Variants in PARVG observed in about 807,000 individuals in gnomAD.
PARVG encodes the protein parvin gamma.
A neutral mutation model predicts 44.4 loss-of-function variants in PARVG; 36 were observed. That is an observed-to-expected ratio of 0.81 (90% CI 0.62 to 1.07). PARVG has a LOEUF of 1.07. Among genes scored for constraint, PARVG ranks in the 50% least tolerant of loss-of-function variants. The pLI is 0.00. For synonymous variants in PARVG, 170 were observed against 174.1 expected, an observed-to-expected ratio of 0.98 and a Z score of 0.19; for missense variants, 407 against 407.4, an observed-to-expected ratio of 1.00 and a Z score of 0.01.
chr22:44,202,470 C>T (rs957635399), intron 12 of PARVG, among the ~76,000 whole-genome samples: 3 of 152,238 alleles, frequency 2.0e-5, no homozygotes, highest in Admixed American at 1.3e-4. Context: ...AGTTACAAGA[C>T]GGGAACAAAC....
upstream of PARVG, among the ~76,000 whole-genome samples, chr22:44,176,330 T>G (rs139112): frequency 0.35 from 53,746 of 152,166 alleles, 9,789 homozygotes; most frequent in Admixed American, 0.41. Context: ...AAATGCTATG[T>G]AAATAGTTGT....
Position 44,206,535 on chromosome 22 carries a change from C to CT in PARVG, c.*111dup. ...CTGTTTCCTGTGCATTCGTGACCCG[C>CT]TTCCCTCCCACCCTGTCTCCTGTCT... On this transcript the variant is annotated 3_prime_UTR_variant, in exon 14 of 14. Transcript: ENST00000444313. 4 of 917,564 alleles carry CT rather than the reference C, an allele frequency of 4.4e-6. No homozygotes were observed. The highest frequency in any genetic ancestry group is 7.0e-6 in the Non-Finnish European group (4 of 569,532). The allele number at this position is 917,564 out of a possible 1,614,324, so 56.8% of individuals were successfully genotyped here.
intron 5 of PARVG, 100 bp downstream of exon 5, chr22:44,187,978 T>A: frequency 8.3e-7 from 1 of 1,211,348 alleles, no homozygotes; most frequent in Admixed American, 1.9e-5. Context: ...GTCCCCACAA[T>A]GGTCCCGGGT....
intron 12 of PARVG, among the ~76,000 whole-genome samples, chr22:44,203,456 T>C (rs1569188995): frequency 6.6e-6 from 1 of 152,080 alleles, no homozygotes; most frequent in Non-Finnish European, 1.5e-5. Flanking sequence ...TCCAACAATT[T>C]CTAAAAACGT....
intron 12 of PARVG, among the ~76,000 whole-genome samples, chr22:44,204,707 G>A (rs1040429425): frequency 1.3e-5 from 2 of 152,246 alleles, no homozygotes; most frequent in African/African-American, 4.8e-5. Context: ...AGATAGGGAG[G>A]GAACGGGACC....
chr22:44,200,829 C>G (rs1206719432), intron 12 of PARVG, among the ~76,000 whole-genome samples: 1 of 152,086 alleles, frequency 6.6e-6, no homozygotes, highest in Non-Finnish European at 1.5e-5. Flanking sequence ...TGAGGTCCCC[C>G]CTGGACCCCT....
chr22:44,178,044 T>G (rs2054335566), upstream of PARVG, among the ~76,000 whole-genome samples: 1 of 152,138 alleles, frequency 6.6e-6, no homozygotes. Flanking sequence ...CTTCAGACAT[T>G]GGACATGCCT....
chr22:44,173,502 C>A (rs539314484), intron 1 of PARVG, among the ~76,000 whole-genome samples: 1 of 151,988 alleles, frequency 6.6e-6, no homozygotes, highest in East Asian at 1.9e-4. Context: ...GTGACTAGTC[C>A]AGGATGGGTA....
chr22:44,188,096 G>C (rs1489763557), intron 5 of PARVG: 1 of 592,770 alleles, frequency 1.7e-6, no homozygotes. Flanking sequence ...GTGGGGCTCT[G>C]ACGCCAGGGT....
Position 44,189,259 on chromosome 22 carries a change from G to A in PARVG, c.388+5G>A, listed in dbSNP as rs577839634. On this transcript the variant is annotated splice_donor_5th_base_variant and intron_variant, in intron 6 of 13. Coordinates refer to ENST00000444313, the MANE Select transcript of PARVG (RefSeq NM_022141.7). ...AGGCCAAGTGGAGCGTGGAGAGTAC[G>A]TGGGCCACAACCTGGCTACCCCTGG... 1.7e-5 allele frequency: 27 copies of A among 1,613,774 alleles called. No homozygotes were observed. The highest frequency in any genetic ancestry group is 1.6e-4 in the East Asian group (7 of 44,874).
chr22:44,187,776 G>C lies in PARVG; in HGVS notation c.145G>C (p.Val49Leu). The change falls in exon 5 of 14, where the codon GTG becomes CTG. Residue 49 changes from valine (V) to leucine (L), a missense_variant and splice_region_variant. By Grantham distance (32) the Val-to-Leu change is conservative. Transcript: ENST00000444313. Reference protein sequence around the residue: ...KDPKFEELQKVLMEWINATLL... With the variant: ...KDPKFEELQKLLMEWINATLL... ...AAAGTTGTCCCCTTGGAGCCTGCAG[G>C]TGTTGATGGAGTGGATCAATGCCAC... 1 of 1,614,236 alleles carries C rather than the reference G, an allele frequency of 6.2e-7. No homozygotes were observed. Among genetic ancestry groups the C allele is most frequent in the Non-Finnish European group, 8.5e-7 (1 of 1,180,038 alleles).
chr22:44,184,016 A>G (rs1394891571), intron 3 of PARVG: 1 of 165,484 alleles, frequency 6.0e-6, no homozygotes, highest in Non-Finnish European at 1.3e-5. Flanking sequence ...CTTTCAGTAA[A>G]GCTCTGTGTC....
At position 44,198,887 on chromosome 22, in the gene PARVG, T is replaced by C. The variant is rs1212918223; in HGVS notation, c.813+165T>C. ...CCATCCATCCATCCATCCATCCACC[T>C]ATTCACCTATCCATCCATCTACCCA... On this transcript the variant is annotated intron_variant, in intron 12 of 13. Transcript: ENST00000444313. Among the ~76,000 whole-genome samples the C allele has an allele frequency of 3.6e-4, 30 of 82,958 alleles. 1 individual carries two copies. Among genetic ancestry groups the C allele is most frequent in the Admixed American group, 2.8e-3 (22 of 7,748 alleles). The allele number at this position is 82,958 out of a possible 152,430, so 54.4% of individuals were successfully genotyped here.
rs374921375 is a variant in PARVG at position 44,183,388 on chromosome 22, C to G, written c.59C>G (p.Ala20Gly). 1.7e-5 allele frequency: 28 copies of G among 1,605,990 alleles called. No homozygotes were observed. In the African/African-American group the frequency reaches 3.7e-4, roughly 21 times the overall value. Residue 20 changes from alanine (A) to glycine (G), a missense_variant, in exon 3 of 14, where the codon GCG (alanine) becomes GGG (glycine). By Grantham distance (60) the Ala-to-Gly change is moderately conservative. Coordinates refer to ENST00000444313, the MANE Select transcript of PARVG (RefSeq NM_022141.7). ...LQLPKGVEPP[A>G]EEELSKGGKK... Reference sequence around the variant, plus strand: ...CTCCCCAAGGGGGTGGAGCCCCCAGCGGAGGAGGAGCTCTCAAAAGGTGTG... The same window carrying G: ...CTCCCCAAGGGGGTGGAGCCCCCAGGGGAGGAGGAGCTCTCAAAAGGTGTG...
At chr22:44,194,398 T>C (rs2054589846) in intron 9 of PARVG, among the ~76,000 whole-genome samples, 3 of 152,176 alleles carry the variant, frequency 2.0e-5, no homozygotes, top group Admixed American at 1.3e-4. Context: ...TGGCCAGCTC[T>C]TCCCCTTCCC....
At chr22:44,204,712 G>A (rs553917602) in intron 12 of PARVG, among the ~76,000 whole-genome samples, 7 of 152,352 alleles carry the variant, frequency 4.6e-5, no homozygotes, top group Admixed American at 1.3e-4. Flanking sequence ...GGGAGGGAAC[G>A]GGACCAGCAC....
rs755121637 is a variant in PARVG at position 44,182,155 on chromosome 22, C to T, written c.-13+238C>T. ...GTTGCCGCCTCTGAACTTCAGCCAA[C>T]CCCTCCGTCTCCAGGTGAAGAAACT... On this transcript the variant is annotated intron_variant, in intron 2 of 13. Coordinates refer to ENST00000444313, the MANE Select transcript of PARVG (RefSeq NM_022141.7). This position sits in a 1 kb window ranked among gnomAD's most constrained non-coding sequence, Gnocchi z 4.6. 6.6e-6 allele frequency among the ~76,000 whole-genome samples: 1 copy of T among 152,220 alleles called. No homozygotes were observed. The highest frequency in any genetic ancestry group is 1.5e-5 in the Non-Finnish European group (1 of 68,032).
Position 44,182,972 on chromosome 22 carries a change from C to T in PARVG, c.-12-346C>T. The T allele has an allele frequency of 3.3e-6, 1 of 302,710 alleles. No individual in the cohort carries two copies. Among genetic ancestry groups the T allele is most frequent in the Non-Finnish European group, 6.1e-6 (1 of 162,782 alleles). The allele number at this position is 302,710 out of a possible 1,614,324, so 18.8% of individuals were successfully genotyped here. The stretch of plus-strand genomic sequence containing the variant: ...GTGAGCTGTACCTACTTTGTCCTGT[C>T]TGGGATAGGGTGGGGGGTCCCTGGG... On this transcript the variant is annotated intron_variant, in intron 2 of 13. Coordinates refer to ENST00000444313, the MANE Select transcript of PARVG (RefSeq NM_022141.7). The surrounding 1 kb of genome is among the most constrained non-coding windows in gnomAD (Gnocchi z 4.6).
intron 7 of PARVG, among the ~76,000 whole-genome samples, chr22:44,191,350 T>C (rs1411445470): frequency 1.4e-5 from 2 of 147,800 alleles, no homozygotes; most frequent in African/African-American, 5.0e-5. Flanking sequence ...CCCAAGAGAA[T>C]AAGCCAAGTT....
Sources: gnomAD v4.1 joint callset for allele counts (sites outside exome capture counted in the v4.1 genomes callset) on GRCh38, gnomAD v4.1.1 for gene constraint, Gnocchi (gnomAD v3.1) non-coding constraint, MANE v1.5 for transcripts, NCBI Gene and HGNC (gene_info 2026-07-23, HGNC 2026-07-21) for gene names.